KIF15: variants seen among roughly 807,000 people sequenced by gnomAD.
KIF15 encodes kinesin-like protein KIF15.
KIF15 carries 140 observed loss-of-function variants against 190.6 expected under a neutral mutation model. That is an observed-to-expected ratio of 0.73 (90% confidence interval 0.64 to 0.84). The LOEUF is 0.84. KIF15 is among the 40% of genes least tolerant of loss of function. The probability of loss-of-function intolerance (pLI) is 0.00; values close to 1 mark genes in which losing one functional copy is unlikely to be tolerated. For synonymous variants in KIF15, 528 were observed against 551.3 expected (o/e 0.96, Z 0.59); for missense variants, 1,372 against 1,584.4 (o/e 0.87, Z 2.28).
At chr3:44,815,648 A>G (rs1163947398) in intron 20 of KIF15, among the ~76,000 whole-genome samples, 1 of 152,244 alleles carries the variant, frequency 6.6e-6, no homozygotes, top group Non-Finnish European at 1.5e-5. Flanking sequence ...CACTAACTCT[A>G]CAAAGGCTGG....
At chr3:44,842,903 G>T (rs1379006252) in intron 29 of KIF15, among the ~76,000 whole-genome samples, 1 of 152,110 alleles carries the variant, frequency 6.6e-6, no homozygotes, top group African/African-American at 2.4e-5. Context: ...CTGTGATATT[G>T]ATTTTAAAAA....
At chr3:44,780,960 T>C (rs1706134205) in intron 5 of KIF15, 38 bp downstream of exon 5, 1 of 1,446,532 alleles carries the variant, frequency 6.9e-7, no homozygotes, top group African/African-American at 1.4e-5. Context: ...TAATCTACTC[T>C]TTCTGTGATA....
In KIF15 at chr3:44,797,532, T is replaced by C. The variant is rs371862434; in HGVS notation, c.850-19T>C. On this transcript the variant is annotated intron_variant, in intron 8 of 34. Coordinates refer to ENST00000326047, the MANE Select transcript of KIF15 (RefSeq NM_020242.3). ...AACCAACGTACCTAAATTTTTGTTC[T>C]TTTCCGTCAACACTTTAGGAAGCAG... is the stretch of plus-strand genomic sequence containing the variant. The C allele has an allele frequency of 3.7e-6, 6 of 1,609,330 alleles. No homozygotes were observed. Among genetic ancestry groups the C allele is most frequent in the Non-Finnish European group, 5.1e-6 (6 of 1,177,934 alleles).
At chr3:44,763,957 G>A (rs910358185) in intron 1 of KIF15, among the ~76,000 whole-genome samples, 44 of 152,192 alleles carry the variant, frequency 2.9e-4, no homozygotes, top group Non-Finnish European at 4.4e-5. Flanking sequence ...CAAAGTGCTA[G>A]GATTACAGGC....
chr3:44,821,287 G>A (rs1439535618), intron 20 of KIF15, among the ~76,000 whole-genome samples: 12 of 150,610 alleles, frequency 8.0e-5, no homozygotes, highest in Admixed American at 3.3e-4. Flanking sequence ...TGGACGGGGC[G>A]GCTGGCCTGG....
intron 23 of KIF15, 98 bp from the exon 24 acceptor site, chr3:44,828,116 T>G: frequency 2.5e-6 from 2 of 795,346 alleles, no homozygotes; most frequent in South Asian, 1.6e-5. Flanking sequence ...TAGCATAGAC[T>G]CTATAATATG....
chr3:44,851,776 T>C lies in KIF15; in HGVS notation c.3807-11T>C, dbSNP rs747544781. 1.9e-6 allele frequency: 3 copies of C among 1,601,394 alleles called. No homozygotes were observed. In the Admixed American group the frequency reaches 5.2e-5, roughly 28 times the overall value. On this transcript the variant is annotated splice_polypyrimidine_tract_variant and intron_variant, in intron 32 of 34. Coordinates refer to ENST00000326047, the MANE Select transcript of KIF15 (RefSeq NM_020242.3). ...TTTCAAATACTATAAAGTGATAACC[T>C]ATTCCTACAGCCTAGAAGAAGTCCA...
rs372628020 is a variant in KIF15 at position 44,786,614 on chromosome 3, A to T, written c.639+40A>T. ...GTACTTAATTGGTGCTTAGGCAACA[A>T]ACCTGCTGTGAATGCACCCCAAACT... On this transcript the variant is annotated intron_variant, in intron 7 of 34. Transcript: ENST00000326047. The T allele has an allele frequency of 6.2e-5, 95 of 1,528,970 alleles. No individual in the cohort carries two copies. The East Asian group carries it at 7.8e-4, about 13-fold the overall frequency. 94.7% of individuals were successfully genotyped at this position (1,528,970 alleles called of 1,614,324 possible).
intron 20 of KIF15, among the ~76,000 whole-genome samples, chr3:44,819,505 C>T (rs536166526): frequency 6.6e-6 from 1 of 152,226 alleles, no homozygotes; most frequent in South Asian, 2.1e-4. Flanking sequence ...GTTATTTACC[C>T]AGTAGTCATT....
chr3:44,775,466 T>A (rs1406743182), intron 3 of KIF15, 29 bp downstream of exon 3: 1 of 1,555,624 alleles, frequency 6.4e-7, no homozygotes, highest in Non-Finnish European at 8.7e-7. Flanking sequence ...TTAACTTTTT[T>A]TTTTTTTTGA....
intron 20 of KIF15, among the ~76,000 whole-genome samples, chr3:44,822,634 G>A (rs1301782289): frequency 6.6e-6 from 1 of 152,128 alleles, no homozygotes; most frequent in Non-Finnish European, 1.5e-5. Context: ...ATCACTTTCA[G>A]GTACACCAAT....
At chr3:44,794,537 G>C in intron 8 of KIF15, 111 bp downstream of exon 8, 1 of 766,228 alleles carries the variant, frequency 1.3e-6, no homozygotes, top group Admixed American at 2.9e-5. Flanking sequence ...TTATGATGGG[G>C]GTCCCTTAAG....
chr3:44,775,518 T>C (rs1043491638), intron 3 of KIF15, 81 bp downstream of exon 3: 23 of 1,043,736 alleles, frequency 2.2e-5, no homozygotes, highest in Middle Eastern at 3.1e-4. Context: ...TGCAGTGGCA[T>C]GATCTCGGCT....
At chr3:44,767,447 G>T (rs1705444479) in intron 1 of KIF15, among the ~76,000 whole-genome samples, 1 of 152,164 alleles carries the variant, frequency 6.6e-6, no homozygotes, top group Non-Finnish European at 1.5e-5. Context: ...ATGGTTTTTG[G>T]CCTAAGCAAC....
At chr3:44,813,696 G>A (rs971138503) in intron 19 of KIF15, among the ~76,000 whole-genome samples, 2 of 144,806 alleles carry the variant, frequency 1.4e-5, no homozygotes, top group Admixed American at 7.3e-5. Flanking sequence ...GCGGGATCTC[G>A]GCGGCTCACT....
intron 30 of KIF15, among the ~76,000 whole-genome samples, chr3:44,847,589 C>T (rs920912240): frequency 6.6e-6 from 1 of 152,184 alleles, no homozygotes; most frequent in African/African-American, 2.4e-5. Flanking sequence ...CCTGCCTACC[C>T]AAAATGTGCC....
intron 24 of KIF15, among the ~76,000 whole-genome samples, chr3:44,828,939 A>G (rs1445043901): frequency 6.6e-6 from 1 of 152,066 alleles, no homozygotes; most frequent in Non-Finnish European, 1.5e-5. Context: ...CGGGAGGCTG[A>G]GGCAGGAGAA....
At chr3:44,787,587 A>G (rs772095011) in intron 7 of KIF15, among the ~76,000 whole-genome samples, 15 of 152,152 alleles carry the variant, frequency 9.9e-5, no homozygotes, top group Non-Finnish European at 1.6e-4. Context: ...TACATACTCA[A>G]AAATTTGTGT....
At chr3:44,852,591 C>T (rs1297130961) in intron 34 of KIF15, 82 bp from the exon 35 acceptor site, 10 of 1,028,624 alleles carry the variant, frequency 9.7e-6, no homozygotes, top group Non-Finnish European at 1.4e-5. Context: ...GAAATATACA[C>T]CTAATAAATG....
Sources: allele counts gnomAD v4.1 joint callset (sites outside exome capture counted in the v4.1 genomes callset), GRCh38; gene constraint gnomAD v4.1.1; transcripts MANE v1.5; gene names NCBI Gene and HGNC (gene_info 2026-07-23, HGNC 2026-07-21).